The following ARL15 variants were observed in gnomAD, a reference collection of about 807,000 sequenced individuals.
ARL15 encodes ARF like GTPase 15, also known as ADP-ribosylation factor-like protein 15.
ARL15 carries 19 observed loss-of-function variants against 25.2 expected under a neutral mutation model. The observed-to-expected ratio is 0.75, with a 90% CI of 0.53 to 1.10. The LOEUF (loss-of-function observed/expected upper bound fraction) is 1.10, where lower values mean the gene tolerates loss of function less well. ARL15 is among the 50% of genes least tolerant of loss of function. The pLI, the probability that ARL15 is intolerant of heterozygous loss-of-function variation, is 0.00. For synonymous variants in ARL15, 94 were observed against 86.8 expected (o/e 1.08, Z -0.46); for missense variants, 220 against 246.0 (o/e 0.89, Z 0.71).
intron 4 of ARL15, among the ~76,000 whole-genome samples, chr5:53,992,449 C>T (rs1748534201): frequency 6.6e-6 from 1 of 152,162 alleles, no homozygotes; most frequent in South Asian, 2.1e-4. Context: ...GTTAAAAGCA[C>T]TGTCATTCCA....
At chr5:53,900,759 G>A (rs898593991) in intron 4 of ARL15, among the ~76,000 whole-genome samples, 5 of 152,112 alleles carry the variant, frequency 3.3e-5, no homozygotes. Context: ...ATCAAGCCAT[G>A]GTTTCATGAA....
At chr5:54,046,834 G>A (rs1350295575) in intron 4 of ARL15, among the ~76,000 whole-genome samples, 1 of 152,202 alleles carries the variant, frequency 6.6e-6, no homozygotes, top group African/African-American at 2.4e-5. Flanking sequence ...AGCCAGATTG[G>A]GGCAACAGAG....
chr5:54,163,355 GCTTTTTTTTTTTTTTTTTTT>G (rs1304009626), intron 2 of ARL15, among the ~76,000 whole-genome samples: 5 of 51,342 alleles, frequency 9.7e-5, no homozygotes, highest in South Asian at 1.9e-3. Flanking sequence ...TTGGTATGAA[GCTTTTTTTTTTTTTTTTTTT>G]TTTTTTTTTT....
intron 4 of ARL15, among the ~76,000 whole-genome samples, chr5:54,050,498 C>T (rs777296185): frequency 6.6e-6 from 1 of 152,124 alleles, no homozygotes; most frequent in Non-Finnish European, 1.5e-5. Context: ...TTGAAAGTTT[C>T]CCACTTGACT....
At chr5:54,105,447 C>T (rs1347577654) in intron 4 of ARL15, among the ~76,000 whole-genome samples, 2 of 152,044 alleles carry the variant, frequency 1.3e-5, no homozygotes, top group African/African-American at 4.8e-5. Flanking sequence ...TAAAATCAGT[C>T]TCTAACTTTA....
At chr5:53,959,224 T>A (rs182248592) in intron 4 of ARL15, among the ~76,000 whole-genome samples, 1 of 152,186 alleles carries the variant, frequency 6.6e-6, no homozygotes, top group East Asian at 1.9e-4. Flanking sequence ...TTTAAAAAAA[T>A]TTTGTTTCAT....
At chr5:54,254,148 G>A (rs190851006) in intron 1 of ARL15, among the ~76,000 whole-genome samples, 77 of 152,208 alleles carry the variant, frequency 5.1e-4, no homozygotes, top group African/African-American at 1.7e-3. Context: ...CTCTGTTTCC[G>A]TGGATCACTG....
intron 4 of ARL15, among the ~76,000 whole-genome samples, chr5:54,014,009 T>A (rs952610735): frequency 6.6e-6 from 1 of 152,176 alleles, no homozygotes; most frequent in Non-Finnish European, 1.5e-5. Context: ...GCACAGTGGG[T>A]AAGAAGAACC....
chr5:54,110,170 C>G (rs1368625678), intron 4 of ARL15, among the ~76,000 whole-genome samples: 2 of 152,002 alleles, frequency 1.3e-5, no homozygotes, highest in Non-Finnish European at 2.9e-5. Flanking sequence ...TTTCTTAATT[C>G]AGTGCTCCAC....
intron 1 of ARL15, among the ~76,000 whole-genome samples, chr5:54,273,645 A>G (rs922326656): frequency 3.9e-5 from 6 of 152,206 alleles, no homozygotes; most frequent in Admixed American, 3.9e-4. Flanking sequence ...ACATCTAACC[A>G]TGCCATGTCC....
chr5:54,151,429 G>T (rs277320), intron 3 of ARL15, among the ~76,000 whole-genome samples: 31,709 of 151,856 alleles, frequency 0.21, 4,031 homozygotes, highest in East Asian at 0.68. Flanking sequence ...CACTGAATGA[G>T]GAGTTCCCTG....
At chr5:54,286,884 A>T (rs250383) in intron 1 of ARL15, among the ~76,000 whole-genome samples, 37,829 of 138,136 alleles carry the variant, frequency 0.27, 5,933 homozygotes, top group African/African-American at 0.48. Context: ...TTTTTTTTTT[A>T]ATGAGACAGG....
intron 4 of ARL15, among the ~76,000 whole-genome samples, chr5:54,091,837 G>A (rs1463610168): frequency 6.6e-6 from 1 of 152,084 alleles, no homozygotes; most frequent in African/African-American, 2.4e-5. Flanking sequence ...AGGGAATCTA[G>A]GTCACGCCTA....
At chr5:53,900,384 A>T (rs1419860712) in intron 4 of ARL15, among the ~76,000 whole-genome samples, 1 of 152,182 alleles carries the variant, frequency 6.6e-6, no homozygotes, top group Non-Finnish European at 1.5e-5. Flanking sequence ...ATTATAAATA[A>T]TTATTGTATA....
intron 4 of ARL15, among the ~76,000 whole-genome samples, chr5:53,904,607 G>A (rs999300578): frequency 6.6e-6 from 1 of 152,048 alleles, no homozygotes; most frequent in Non-Finnish European, 1.5e-5. Context: ...GGTAATGGCT[G>A]CTTAATGAAA....
At chr5:54,124,393 TATC>T (rs1753181843) in intron 3 of ARL15, among the ~76,000 whole-genome samples, 2 of 152,214 alleles carry the variant, frequency 1.3e-5, no homozygotes, top group Admixed American at 1.3e-4. Context: ...TAAACACATT[TATC>T]ATAGGCTTGC....
chr5:54,036,907 A>G (rs34360866), intron 4 of ARL15, among the ~76,000 whole-genome samples: 48,021 of 151,994 alleles, frequency 0.32, 8,823 homozygotes, highest in African/African-American at 0.5. Context: ...AAGACACAAA[A>G]TTCAAAGGGA....
intron 4 of ARL15, among the ~76,000 whole-genome samples, chr5:54,035,678 C>A (rs141485491): frequency 4.6e-5 from 7 of 152,202 alleles, no homozygotes; most frequent in Admixed American, 3.9e-4. Context: ...AATGATAAAG[C>A]CCACTTTTAA....
At chr5:54,240,604 G>T (rs1240164594) in intron 1 of ARL15, among the ~76,000 whole-genome samples, 1 of 152,082 alleles carries the variant, frequency 6.6e-6, no homozygotes, top group African/African-American at 2.4e-5. Context: ...GGAAGTTTCT[G>T]GTTCACCATC....
Sources: gnomAD v4.1 joint callset for allele counts (sites outside exome capture counted in the v4.1 genomes callset) on GRCh38, gnomAD v4.1.1 for gene constraint, MANE v1.5 for transcripts, NCBI Gene and HGNC (gene_info 2026-07-23, HGNC 2026-07-21) for gene names.